CPQ: variants seen among roughly 807,000 people sequenced by gnomAD.
CPQ encodes the protein carboxypeptidase Q.
CPQ carries 37 observed loss-of-function variants against 45.7 expected under a neutral mutation model. That is an observed-to-expected ratio of 0.81 (90% CI 0.62 to 1.07). The LOEUF (loss-of-function observed/expected upper bound fraction) is 1.07. Among genes scored for constraint, CPQ ranks in the 50% least tolerant of loss-of-function variants. The pLI is 0.00. For synonymous variants in CPQ, 186 were observed against 205.8 expected, an observed-to-expected ratio of 0.90 and a Z score of 0.82; for missense variants, 537 against 572.9, an observed-to-expected ratio of 0.94 and a Z score of 0.64.
At chr8:96,651,730 A>G (rs1815578867) in intron 1 of CPQ, among the ~76,000 whole-genome samples, 1 of 152,078 alleles carries the variant, frequency 6.6e-6, no homozygotes, top group South Asian at 2.1e-4. Context: ...AAATTATGTT[A>G]TGTATGAATA....
At chr8:96,664,671 G>A (rs765821864) in intron 1 of CPQ, among the ~76,000 whole-genome samples, 7 of 152,156 alleles carry the variant, frequency 4.6e-5, no homozygotes, top group Non-Finnish European at 1.0e-4. Flanking sequence ...AAGGAGGTGA[G>A]GAGTAAGGGT....
At chr8:97,007,370 T>A (rs1226114095) in intron 5 of CPQ, among the ~76,000 whole-genome samples, 1 of 152,208 alleles carries the variant, frequency 6.6e-6, no homozygotes, top group African/African-American at 2.4e-5. Context: ...AGGCCAACCC[T>A]GCAGAAATGC....
intron 7 of CPQ, among the ~76,000 whole-genome samples, chr8:97,091,669 A>G (rs1029808221): frequency 6.6e-6 from 1 of 152,194 alleles, no homozygotes; most frequent in Admixed American, 6.5e-5. Flanking sequence ...TGATTTCAAA[A>G]TGCAAATCCC....
Position 96,717,076 on chromosome 8 carries a change from T to C in CPQ, c.-34-67788T>C, listed in dbSNP as rs1225010313. Among the ~76,000 whole-genome samples the C allele has an allele frequency of 2.2e-3, 140 of 64,124 alleles. 1 individual carries two copies. Among genetic ancestry groups the C allele is most frequent in the African/African-American group, 5.4e-3 (84 of 15,644 alleles). 42.1% of individuals were successfully genotyped at this position (64,124 alleles called of 152,430 possible). A position where few individuals can be genotyped will look rare whatever the true frequency, so the allele number is the denominator to read the frequency against. On this transcript the variant is annotated intron_variant, in intron 1 of 7. Coordinates refer to ENST00000220763, the MANE Select transcript of CPQ (RefSeq NM_016134.4). ...ATATATATATATATATATATATATATACGTATATATACACACACACACACA... is the reference window on the plus strand; with the variant it reads ...ATATATATATATATATATATATATACACGTATATATACACACACACACACA...
chr8:97,129,652 T>C (rs1054415274), intron 7 of CPQ, among the ~76,000 whole-genome samples: 1 of 152,178 alleles, frequency 6.6e-6, no homozygotes, highest in Non-Finnish European at 1.5e-5. Context: ...TCCACTAACA[T>C]ACCCATAAAC....
intron 3 of CPQ, among the ~76,000 whole-genome samples, chr8:96,840,866 T>G (rs6468520): frequency 6.6e-5 from 10 of 151,918 alleles, no homozygotes; most frequent in Admixed American, 1.3e-4. Context: ...TTTAAAAATC[T>G]TAAGTTTCAA....
chr8:96,972,389 A>T (rs1162592793), intron 5 of CPQ, among the ~76,000 whole-genome samples: 1 of 152,118 alleles, frequency 6.6e-6, no homozygotes, highest in African/African-American at 2.4e-5. Context: ...AGACATGCTT[A>T]CCCCTTCCCC....
chr8:96,996,682 T>C (rs1809183856), intron 5 of CPQ, among the ~76,000 whole-genome samples: 1 of 152,106 alleles, frequency 6.6e-6, no homozygotes, highest in Non-Finnish European at 1.5e-5. Context: ...AATTATTTTA[T>C]AATTGGTTCC....
At chr8:96,833,298 AAAC>A (rs1811483879) in intron 2 of CPQ, among the ~76,000 whole-genome samples, 1 of 152,126 alleles carries the variant, frequency 6.6e-6, no homozygotes, top group Non-Finnish European at 1.5e-5. Flanking sequence ...TGTTTGTTAA[AAAC>A]AAAACAAAAC....
At chr8:96,905,139 G>A (rs1164681347) in intron 4 of CPQ, among the ~76,000 whole-genome samples, 1 of 152,060 alleles carries the variant, frequency 6.6e-6, no homozygotes, top group Non-Finnish European at 1.5e-5. Context: ...GGGAAGCAAG[G>A]CACATCTTAC....
chr8:96,811,498 A>T (rs1401198494), intron 2 of CPQ, among the ~76,000 whole-genome samples: 2 of 152,206 alleles, frequency 1.3e-5, no homozygotes, highest in Non-Finnish European at 2.9e-5. Flanking sequence ...GACTGTTTTC[A>T]TAAACAAAAC....
intron 6 of CPQ, among the ~76,000 whole-genome samples, chr8:97,061,136 TA>T (rs562981860): frequency 2.6e-5 from 4 of 152,182 alleles, no homozygotes; most frequent in Admixed American, 6.6e-5. Context: ...CAAACATTTC[TA>T]TACCTATGCC....
intron 1 of CPQ, among the ~76,000 whole-genome samples, chr8:96,770,314 A>G (rs1810524187): frequency 6.6e-6 from 1 of 152,154 alleles, no homozygotes; most frequent in African/African-American, 2.4e-5. Context: ...CCCTGCTCCC[A>G]TCATCTCACT....
intron 2 of CPQ, among the ~76,000 whole-genome samples, chr8:96,809,400 C>A (rs1032785228): frequency 6.6e-6 from 1 of 152,078 alleles, no homozygotes; most frequent in East Asian, 1.9e-4. Context: ...TGGAACACTA[C>A]CCAGCAATAA....
chr8:96,885,792 T>A lies in CPQ; in HGVS notation c.849+5787T>A, dbSNP rs1490431963. ...TAACTAGGTCAGGAGATGGAGACCATCCTGGCTAACACAGTGAAACCCCAT... is the reference window on the plus strand; with the variant it reads ...TAACTAGGTCAGGAGATGGAGACCAACCTGGCTAACACAGTGAAACCCCAT... On this transcript the variant is annotated intron_variant, in intron 4 of 7. Transcript: ENST00000220763. Among the ~76,000 whole-genome samples the A allele has an allele frequency of 2.6e-5, 4 of 152,072 alleles. No individual in the cohort carries two copies. In the South Asian group the frequency reaches 6.2e-4, roughly 24 times the overall value.
At chr8:96,818,139 G>C (rs898227166) in intron 2 of CPQ, among the ~76,000 whole-genome samples, 3 of 151,884 alleles carry the variant, frequency 2.0e-5, no homozygotes, top group African/African-American at 7.2e-5. Flanking sequence ...CAATGGTGTT[G>C]TATCTTAGGG....
intron 4 of CPQ, among the ~76,000 whole-genome samples, chr8:96,947,533 T>G (rs1813207275): frequency 6.6e-6 from 1 of 152,124 alleles, no homozygotes; most frequent in East Asian, 1.9e-4. Flanking sequence ...TATAATTGAT[T>G]TGGCTATTTG....
At position 96,841,549 on chromosome 8, in the gene CPQ, C is replaced by T. The variant is rs569162945; in HGVS notation, c.641+6369C>T. On this transcript the variant is annotated intron_variant, in intron 3 of 7. Transcript: ENST00000220763. ...TTGAACAGGGACTGCGACTTTTAAT[C>T]AGCTAAGGAAGCAAAAGACTTTCTC... is the stretch of plus-strand genomic sequence containing the variant. Among the ~76,000 whole-genome samples, 3 of 152,296 alleles carry T rather than the reference C, an allele frequency of 2.0e-5. No homozygotes were observed. The East Asian group carries it at 5.8e-4, about 29-fold the overall frequency.
intron 1 of CPQ, among the ~76,000 whole-genome samples, chr8:96,668,810 C>T (rs1425858570): frequency 1.3e-5 from 2 of 151,488 alleles, no homozygotes; most frequent in African/African-American, 4.9e-5. Context: ...TTCTTTTTGC[C>T]TTGTATATCT....
Sources: gnomAD v4.1 joint callset for allele counts (sites outside exome capture counted in the v4.1 genomes callset) on GRCh38, gnomAD v4.1.1 for gene constraint, MANE v1.5 for transcripts, NCBI Gene and HGNC (gene_info 2026-07-23, HGNC 2026-07-21) for gene names.